The following BASP1 variants were observed in gnomAD, a reference collection of about 807,000 sequenced individuals.
BASP1 encodes brain acid soluble protein 1.
In BASP1, 1 loss-of-function variant was observed where a neutral mutation model predicts 2.2. The observed-to-expected ratio is 0.46, with a 90% CI of 0.16 to 2.17. The LOEUF is 2.17. Among genes scored for constraint, BASP1 ranks in the 30% most tolerant of loss-of-function variants. BASP1 has a pLI of 0.27. For missense variants in BASP1, 352 were observed against 327.2 expected (o/e 1.08, Z -0.58); for synonymous variants, 187 against 154.2 (o/e 1.21, Z -1.58).
chr5:17,238,141 A>G (rs1337080230), intron 1 of BASP1, among the ~76,000 whole-genome samples: 1 of 151,550 alleles, frequency 6.6e-6, no homozygotes, highest in East Asian at 1.9e-4. Context: ...TTCTATTAAT[A>G]TATTTTTTCT....
chr5:17,223,314 G>A (rs976658369), intron 1 of BASP1, among the ~76,000 whole-genome samples: 2 of 152,148 alleles, frequency 1.3e-5, no homozygotes, highest in African/African-American at 4.8e-5. Context: ...CATGGTTACT[G>A]TAAGTATTAA....
At chr5:17,248,969 C>T (rs1740047049) in intron 1 of BASP1, among the ~76,000 whole-genome samples, 1 of 152,194 alleles carries the variant, frequency 6.6e-6, no homozygotes, top group Non-Finnish European at 1.5e-5. Context: ...ACACTCCCAT[C>T]CCCAATTAAC....
chr5:17,259,910 T>G (rs1023498763), intron 1 of BASP1, among the ~76,000 whole-genome samples: 1 of 152,184 alleles, frequency 6.6e-6, no homozygotes, highest in Non-Finnish European at 1.5e-5. Flanking sequence ...GAGCTCTGTT[T>G]GGAGAATTCT....
At chr5:17,268,695 C>T (rs1740474840) in intron 1 of BASP1, among the ~76,000 whole-genome samples, 1 of 152,186 alleles carries the variant, frequency 6.6e-6, no homozygotes, top group Non-Finnish European at 1.5e-5. Flanking sequence ...GAAAAAGGAA[C>T]AAGCAATTGG....
At chr5:17,231,102 T>G (rs1739626682) in intron 1 of BASP1, among the ~76,000 whole-genome samples, 1 of 152,224 alleles carries the variant, frequency 6.6e-6, no homozygotes, top group Admixed American at 6.5e-5. Context: ...ATAACAACTT[T>G]CACTGAATTG....
At chr5:17,226,175 C>T (rs1256526767) in intron 1 of BASP1, among the ~76,000 whole-genome samples, 1 of 152,214 alleles carries the variant, frequency 6.6e-6, no homozygotes, top group Non-Finnish European at 1.5e-5. Context: ...TTAATTATTA[C>T]ACTTACGTAG....
intron 1 of BASP1, among the ~76,000 whole-genome samples, chr5:17,225,840 A>G (rs963278110): frequency 2.6e-5 from 4 of 152,180 alleles, no homozygotes; most frequent in African/African-American, 9.7e-5. Flanking sequence ...TTTTATTTAA[A>G]ATTACCATTT....
At chr5:17,259,312 C>A (rs562066858) in intron 1 of BASP1, among the ~76,000 whole-genome samples, 1 of 152,322 alleles carries the variant, frequency 6.6e-6, no homozygotes, top group Non-Finnish European at 1.5e-5. Context: ...TTAATCACCT[C>A]CCACGGGGTT....
chr5:17,276,303 G>A lies in BASP1; in HGVS notation c.*403G>A, dbSNP rs1740661740. The A allele has an allele frequency of 5.8e-6, 1 of 173,720 alleles. No homozygotes were observed. The highest frequency in any genetic ancestry group is 2.4e-5 in the African/African-American group (1 of 41,752). The allele number at this position is 173,720 out of a possible 1,614,324, so 10.8% of individuals were successfully genotyped here. A position where few individuals can be genotyped will look rare whatever the true frequency, so the allele number is the denominator to read the frequency against. On this transcript the variant is annotated 3_prime_UTR_variant, in exon 2 of 2. Transcript: ENST00000322611. ...AGCTTTTCTTCTGCAATGGGAGTTGGGAGTGATGCGTTTGATTCTGCCCAC... is the reference window on the plus strand; with the variant it reads ...AGCTTTTCTTCTGCAATGGGAGTTGAGAGTGATGCGTTTGATTCTGCCCAC...
chr5:17,265,735 A>G (rs982295246), intron 1 of BASP1, among the ~76,000 whole-genome samples: 1 of 152,260 alleles, frequency 6.6e-6, no homozygotes, highest in African/African-American at 2.4e-5. Flanking sequence ...AGGAAGTAAT[A>G]AATGATAGTT....
chr5:17,253,272 G>T (rs907097130), intron 1 of BASP1, among the ~76,000 whole-genome samples: 3 of 152,144 alleles, frequency 2.0e-5, no homozygotes, highest in African/African-American at 7.2e-5. Flanking sequence ...GTGCAGTGGC[G>T]TGATAATGGC....
chr5:17,245,000 AT>A (rs1739947488), intron 1 of BASP1, among the ~76,000 whole-genome samples: 1 of 148,200 alleles, frequency 6.7e-6, no homozygotes, highest in African/African-American at 2.5e-5. Flanking sequence ...GTTTTAAAAA[AT>A]GTACTTAAAT....
Position 17,236,153 on chromosome 5 carries a change from T to G in BASP1, c.-10+18343T>G, listed in dbSNP as rs1302531567. ...GACACCCCCACCCTTGCGTTTAGTC[T>G]TTAAGACTATTCTACCTTGGGGGAG... On this transcript the variant is annotated intron_variant, in intron 1 of 1. Coordinates refer to ENST00000322611, the MANE Select transcript of BASP1 (RefSeq NM_006317.5). This position sits in a 1 kb window ranked among gnomAD's most constrained non-coding sequence, Gnocchi z 4.0. Among the ~76,000 whole-genome samples the G allele has an allele frequency of 6.6e-6, 1 of 152,258 alleles. No homozygotes were observed. Among genetic ancestry groups the G allele is most frequent in the Non-Finnish European group, 1.5e-5 (1 of 68,046 alleles).
intron 1 of BASP1, among the ~76,000 whole-genome samples, chr5:17,272,689 C>T (rs551621687): frequency 2.2e-4 from 33 of 152,062 alleles, no homozygotes; most frequent in Non-Finnish European, 3.8e-4. Context: ...AGCAAAATGC[C>T]AGGGGCGTTT....
intron 1 of BASP1, among the ~76,000 whole-genome samples, chr5:17,229,630 C>T (rs1182431541): frequency 6.6e-6 from 1 of 152,140 alleles, no homozygotes; most frequent in African/African-American, 2.4e-5. Context: ...GAAGATGCAC[C>T]CGCATTAACA....
chr5:17,262,537 A>T (rs866425062), intron 1 of BASP1, among the ~76,000 whole-genome samples: 1 of 152,212 alleles, frequency 6.6e-6, no homozygotes, highest in Non-Finnish European at 1.5e-5. Context: ...GAGATAGCTA[A>T]TGAGTTGATA....
chr5:17,274,611 GA>G (rs1167592286), intron 1 of BASP1, among the ~76,000 whole-genome samples: 1 of 152,204 alleles, frequency 6.6e-6, no homozygotes, highest in Non-Finnish European at 1.5e-5. Flanking sequence ...GATTGCAGAT[GA>G]AAAACAGATA....
At chr5:17,226,776 C>T (rs75341398) in intron 1 of BASP1, among the ~76,000 whole-genome samples, 2,302 of 152,232 alleles carry the variant, frequency 0.015, 49 homozygotes, top group African/African-American at 0.051. Flanking sequence ...TTTAGATGGA[C>T]AGGCAGAGAG....
Position 17,251,953 on chromosome 5 carries a change from G to A in BASP1, c.-9-23255G>A, listed in dbSNP as rs1740109531. 1.3e-5 allele frequency among the ~76,000 whole-genome samples: 2 copies of A among 152,150 alleles called. No individual in the cohort carries two copies. The highest frequency in any genetic ancestry group is 6.5e-5 in the Admixed American group (1 of 15,278). Reference sequence around the variant, plus strand: ...TAGTGGGCGCTAGAGTGTAGACAAAGAATCCTCAGTATCCCAGAGGGCTTT... The same window carrying A: ...TAGTGGGCGCTAGAGTGTAGACAAAAAATCCTCAGTATCCCAGAGGGCTTT... On this transcript the variant is annotated intron_variant, in intron 1 of 1. Coordinates refer to ENST00000322611, the MANE Select transcript of BASP1 (RefSeq NM_006317.5). The surrounding 1 kb of genome is among the most constrained non-coding windows in gnomAD (Gnocchi z 4.0).
Sources: allele counts gnomAD v4.1 joint callset (sites outside exome capture counted in the v4.1 genomes callset), GRCh38; gene constraint gnomAD v4.1.1; non-coding constraint Gnocchi (gnomAD v3.1); transcripts MANE v1.5; gene names NCBI Gene and HGNC (gene_info 2026-07-23, HGNC 2026-07-21).